PPP2R3B: variants seen among roughly 807,000 people sequenced by gnomAD.
PPP2R3B encodes protein phosphatase 2 regulatory subunit B''beta.
In PPP2R3B, 68 loss-of-function variants were observed where a neutral mutation model predicts 72.9. That is an observed-to-expected ratio of 0.93 (90% CI 0.77 to 1.14). PPP2R3B has a LOEUF of 1.14. Among genes scored for constraint, PPP2R3B ranks in the 50% most tolerant of loss-of-function variants. The pLI, the probability that PPP2R3B is intolerant of heterozygous loss-of-function variation, is 0.00. For synonymous variants in PPP2R3B, 466 were observed against 375.8 expected, an observed-to-expected ratio of 1.24 and a Z score of -2.78; for missense variants, 1,018 against 842.0, an observed-to-expected ratio of 1.21 and a Z score of -2.59.
At position 341,489 on chromosome X, in the gene PPP2R3B, G is replaced by GCCCC. The variant is rs200690031; in HGVS notation, c.1086-97_1086-94dup. On this transcript the variant is annotated intron_variant, in intron 8 of 12. Coordinates refer to ENST00000390665, the MANE Select transcript of PPP2R3B (RefSeq NM_013239.5). ...CTGTCCACGCGCCTCGGTGAGGGGA[G>GCCCC]CCCCCCGGGCCCGGCCCTCCTCCTG... 1.6e-3 allele frequency: 2,026 copies of GCCCC among 1,257,522 alleles called. 8 individuals carry two copies. The highest frequency in any genetic ancestry group is 7.2e-3 in the African/African-American group (493 of 68,314). 77.9% of individuals were successfully genotyped at this position (1,257,522 alleles called of 1,614,324 possible).
intron 8 of PPP2R3B, 69 bp from the exon 9 acceptor site, chrX:341,465 T>G: frequency 6.5e-7 from 1 of 1,533,250 alleles, no homozygotes; most frequent in Non-Finnish European, 9.0e-7. Context: ...ACGGAGCCCC[T>G]GTCCACGCGC....
rs1282151855 is a variant in PPP2R3B, at chrX:363,509, CG to C, written c.325-1920del. ...CCCAGCATCCCACAATGCATCTCCCCGAGCCCGCGATCCCGCAGTGCATCTC... is the reference window on the plus strand; with the variant it reads ...CCCAGCATCCCACAATGCATCTCCCCAGCCCGCGATCCCGCAGTGCATCTC... On this transcript the variant is annotated intron_variant, in intron 1 of 12. Transcript: ENST00000390665. Among the ~76,000 whole-genome samples, 736 of 90,190 alleles carry C rather than the reference CG, an allele frequency of 8.2e-3. 23 individuals are homozygous for C. The highest frequency in any genetic ancestry group is 0.011 in the Non-Finnish European group (498 of 45,962). The allele number at this position is 90,190 out of a possible 152,430, so 59.2% of individuals were successfully genotyped here. A position where few individuals can be genotyped will look rare whatever the true frequency, so the allele number is the denominator to read the frequency against.
chrX:361,860 C>A (rs2071548943), intron 1 of PPP2R3B, among the ~76,000 whole-genome samples: 2 of 152,318 alleles, frequency 1.3e-5, no homozygotes, highest in South Asian at 4.1e-4. Context: ...GAGCAGGGCC[C>A]TGGGGACAAG....
At chrX:351,902 C>T (rs2071339944) in intron 2 of PPP2R3B, among the ~76,000 whole-genome samples, 1 of 152,072 alleles carries the variant, frequency 6.6e-6, no homozygotes, top group South Asian at 2.1e-4. Context: ...ACTATGTTGC[C>T]GAGGCTGGTC....
intron 2 of PPP2R3B, among the ~76,000 whole-genome samples, chrX:360,934 G>A (rs2071524804): frequency 6.6e-6 from 1 of 152,084 alleles, no homozygotes; most frequent in African/African-American, 2.4e-5. Flanking sequence ...CAGCACTCAG[G>A]GTGAGTCTAG....
intron 2 of PPP2R3B, among the ~76,000 whole-genome samples, chrX:349,556 C>T (rs900656576): frequency 1.3e-5 from 2 of 152,146 alleles, no homozygotes; most frequent in Non-Finnish European, 2.9e-5. Flanking sequence ...GATACGACGA[C>T]GGGTAAGAAG....
rs1569386422 is a variant in PPP2R3B at position 346,170 on chromosome X, G to GC, written c.879+3dup. 2.6e-6 allele frequency: 4 copies of GC among 1,552,468 alleles called. No homozygotes were observed. The highest frequency in any genetic ancestry group is 3.5e-6 in the Non-Finnish European group (4 of 1,151,660). On this transcript the variant is annotated splice_donor_region_variant and intron_variant, in intron 6 of 12. Coordinates refer to ENST00000390665, the MANE Select transcript of PPP2R3B (RefSeq NM_013239.5). ...GGGGCAGGGGACAGGGGGCCGCTCC[G>GC]CACCTGCAGGAAGGAGCTCCTCCGC...
At chrX:355,539 G>A (rs1419951047) in intron 2 of PPP2R3B, among the ~76,000 whole-genome samples, 1 of 152,154 alleles carries the variant, frequency 6.6e-6, no homozygotes, top group Non-Finnish European at 1.5e-5. Context: ...GGAAGACAGC[G>A]TGCAGGTTCC....
At chrX:352,248 T>C (rs2071345642) in intron 2 of PPP2R3B, among the ~76,000 whole-genome samples, 1 of 152,224 alleles carries the variant, frequency 6.6e-6, no homozygotes. Flanking sequence ...TTTAAAAGTC[T>C]TTTCGTGATC....
rs1731943971 is a variant in PPP2R3B at position 386,820 on chromosome X, G to A, written c.-129C>T. ...TGAGGGGGCGCGGCGCAGGGAACAG[G>A]GCCCGCGCCTCGGGAACTGCGCGGA... On this transcript the variant is annotated 5_prime_UTR_variant, in exon 1 of 13. Transcript: ENST00000390665. The A allele has an allele frequency of 2.3e-6, 1 of 435,634 alleles. No individual in the cohort carries two copies. Among genetic ancestry groups the A allele is most frequent in the Non-Finnish European group, 3.3e-6 (1 of 299,440 alleles). The allele number at this position is 435,634 out of a possible 1,614,324, so 27.0% of individuals were successfully genotyped here.
intron 3 of PPP2R3B, 37 bp from the exon 4 acceptor site, chrX:347,373 G>C: frequency 1.2e-6 from 2 of 1,600,390 alleles, no homozygotes; most frequent in East Asian, 2.2e-5. Context: ...ACCCTCACAG[G>C]GGGGTGGCTT....
chrX:345,347 C>G (rs749047047), intron 7 of PPP2R3B, 169 bp downstream of exon 7: 16 of 973,102 alleles, frequency 1.6e-5, no homozygotes, highest in Non-Finnish European at 2.4e-5. Flanking sequence ...GGGGCAGCGA[C>G]TGGGGAAGGA....
intron 3 of PPP2R3B, 76 bp from the exon 4 acceptor site, chrX:347,412 G>GT: frequency 7.1e-7 from 1 of 1,407,500 alleles, no homozygotes; most frequent in Non-Finnish European, 1.0e-6. Flanking sequence ...GGTGGAACAC[G>GT]TGTGTGGTGT....
intron 1 of PPP2R3B, among the ~76,000 whole-genome samples, chrX:381,593 CTTTTTTTTT>C (rs950950107): frequency 2.1e-5 from 2 of 95,058 alleles, no homozygotes; most frequent in Non-Finnish European, 4.1e-5. Context: ...ACAAGCTCAT[CTTTTTTTTT>C]TTTTTTTTTT....
intron 9 of PPP2R3B, 88 bp downstream of exon 9, chrX:341,219 C>A: frequency 2.8e-6 from 4 of 1,433,114 alleles, no homozygotes; most frequent in Non-Finnish European, 3.9e-6. Flanking sequence ...CCCCACCAGG[C>A]GTGCAGGCAT....
At chrX:375,305 C>A (rs2071965216) in intron 1 of PPP2R3B, among the ~76,000 whole-genome samples, 1 of 152,210 alleles carries the variant, frequency 6.6e-6, no homozygotes. Context: ...CACCCAGTAA[C>A]CCACGATGCG....
chrX:342,068 C>G, intron 7 of PPP2R3B, 137 bp from the exon 8 acceptor site: 1 of 1,011,678 alleles, frequency 9.9e-7, no homozygotes, highest in Non-Finnish European at 1.6e-6. Flanking sequence ...CCCGGGGCCC[C>G]GATGCCCCTG....
intron 1 of PPP2R3B, among the ~76,000 whole-genome samples, chrX:383,218 T>C (rs1371944757): frequency 6.6e-6 from 1 of 152,164 alleles, no homozygotes; most frequent in East Asian, 1.9e-4. Context: ...ACCGGTAATT[T>C]AGAACGCAAG....
intron 2 of PPP2R3B, among the ~76,000 whole-genome samples, chrX:355,469 C>T (rs1487626447): frequency 1.3e-5 from 2 of 152,194 alleles, no homozygotes; most frequent in African/African-American, 4.8e-5. Context: ...GCTGTCGTAG[C>T]AACGGAGGGA....
Sources: allele counts gnomAD v4.1 joint callset (sites outside exome capture counted in the v4.1 genomes callset), GRCh38; gene constraint gnomAD v4.1.1; transcripts MANE v1.5; gene names NCBI Gene and HGNC (gene_info 2026-07-23, HGNC 2026-07-21).